The following CACNA2D3 variants were observed in gnomAD, a reference collection of about 807,000 sequenced individuals.
CACNA2D3 encodes the protein calcium voltage-gated channel auxiliary subunit alpha2delta 3.
In CACNA2D3, 60 loss-of-function variants were observed where a neutral mutation model predicts 160.6. The observed-to-expected ratio is 0.37, with a 90% confidence interval of 0.30 to 0.46. The LOEUF (loss-of-function observed/expected upper bound fraction) is 0.46, where lower values mean the gene tolerates loss of function less well. Among genes scored for constraint, CACNA2D3 ranks in the 20% least tolerant of loss-of-function variants. The pLI, the probability that CACNA2D3 is intolerant of heterozygous loss-of-function variation, is 1.00. For missense variants in CACNA2D3, 1,205 were observed against 1,365.0 expected (o/e 0.88, Z 1.85); for synonymous variants, 558 against 492.9 (o/e 1.13, Z -1.75).
intron 5 of CACNA2D3, among the ~76,000 whole-genome samples, chr3:54,512,865 A>G (rs1157153891): frequency 4.6e-5 from 7 of 152,226 alleles, no homozygotes; most frequent in Non-Finnish European, 1.0e-4. Context: ...TAATGGACTT[A>G]CAGTTCCACA....
intron 12 of CACNA2D3, among the ~76,000 whole-genome samples, chr3:54,758,615 A>T (rs1448032596): frequency 6.6e-6 from 1 of 152,170 alleles, no homozygotes; most frequent in Non-Finnish European, 1.5e-5. Context: ...GAGGAGGAAG[A>T]TGACACAGAA....
chr3:54,489,023 A>G (rs567881610), intron 4 of CACNA2D3, among the ~76,000 whole-genome samples: 8 of 152,170 alleles, frequency 5.3e-5, no homozygotes, highest in African/African-American at 7.2e-5. Flanking sequence ...GACCACATGC[A>G]TAGAGAATCA....
intron 2 of CACNA2D3, among the ~76,000 whole-genome samples, chr3:54,141,224 C>T (rs1333107741): frequency 6.6e-6 from 1 of 152,020 alleles, no homozygotes; most frequent in Non-Finnish European, 1.5e-5. Flanking sequence ...GAAAAAATTC[C>T]CTAAAAGCTC....
At chr3:54,191,279 G>A (rs1258772777) in intron 2 of CACNA2D3, among the ~76,000 whole-genome samples, 1 of 152,108 alleles carries the variant, frequency 6.6e-6, no homozygotes, top group Non-Finnish European at 1.5e-5. Context: ...GGACAAACAT[G>A]TAATCTTCAG....
intron 4 of CACNA2D3, among the ~76,000 whole-genome samples, chr3:54,500,489 C>T (rs1053690270): frequency 3.4e-5 from 5 of 148,904 alleles, no homozygotes; most frequent in East Asian, 2.0e-4. Flanking sequence ...TCCTTCCTAT[C>T]TTCCTTCCTT....
intron 27 of CACNA2D3, among the ~76,000 whole-genome samples, chr3:54,944,750 T>C (rs1436129538): frequency 1.3e-5 from 2 of 152,212 alleles, no homozygotes; most frequent in Non-Finnish European, 2.9e-5. Flanking sequence ...AGCAGCCTTT[T>C]CTTGTTTCAA....
chr3:54,994,716 CTAT>C (rs1387631294), intron 31 of CACNA2D3, among the ~76,000 whole-genome samples: 1 of 152,144 alleles, frequency 6.6e-6, no homozygotes, highest in Admixed American at 6.5e-5. Context: ...GAAGTAACTA[CTAT>C]TATTATTTCC....
chr3:54,831,866 GAA>G (rs1318842506), intron 14 of CACNA2D3, among the ~76,000 whole-genome samples: 1 of 152,112 alleles, frequency 6.6e-6, no homozygotes, highest in East Asian at 1.9e-4. Context: ...AGCTAAAAGA[GAA>G]AACTTATTGG....
chr3:54,702,982 A>C (rs1700793496), intron 11 of CACNA2D3, among the ~76,000 whole-genome samples: 1 of 152,178 alleles, frequency 6.6e-6, no homozygotes, highest in East Asian at 1.9e-4. Context: ...TAGGAACAGA[A>C]AACCAAATCC....
chr3:54,949,732 G>C (rs1701708162), intron 27 of CACNA2D3, among the ~76,000 whole-genome samples: 1 of 152,174 alleles, frequency 6.6e-6, no homozygotes, highest in Non-Finnish European at 1.5e-5. Flanking sequence ...TTTTGCAGGG[G>C]CACACTCCAC....
chr3:54,310,451 A>G (rs1703712288), intron 2 of CACNA2D3, among the ~76,000 whole-genome samples: 1 of 152,172 alleles, frequency 6.6e-6, no homozygotes, highest in African/African-American at 2.4e-5. Flanking sequence ...TTTTTATTGC[A>G]ACATCTTTAG....
intron 17 of CACNA2D3, among the ~76,000 whole-genome samples, chr3:54,850,475 A>G (rs1353616791): frequency 1.3e-5 from 2 of 152,224 alleles, no homozygotes; most frequent in East Asian, 1.9e-4. Context: ...CTTGCTTTTT[A>G]TAATTCCTTT....
chr3:54,802,493 G>T (rs530298170), intron 13 of CACNA2D3, among the ~76,000 whole-genome samples: 2 of 151,982 alleles, frequency 1.3e-5, no homozygotes, highest in African/African-American at 4.8e-5. Context: ...TTTTGAAGCT[G>T]AGCAAAGAGT....
At chr3:54,682,870 A>G (rs1230581879) in intron 11 of CACNA2D3, among the ~76,000 whole-genome samples, 2 of 152,146 alleles carry the variant, frequency 1.3e-5, no homozygotes, top group African/African-American at 4.8e-5. Flanking sequence ...CCCACCACCC[A>G]CTGCCTTCTC....
intron 2 of CACNA2D3, among the ~76,000 whole-genome samples, chr3:54,293,707 C>G (rs752360471): frequency 6.6e-6 from 1 of 152,100 alleles, no homozygotes; most frequent in Non-Finnish European, 1.5e-5. Context: ...ATCAAAGGGC[C>G]ACATTTATTT....
At chr3:54,834,963 A>G (rs943972409) in intron 14 of CACNA2D3, among the ~76,000 whole-genome samples, 1 of 152,216 alleles carries the variant, frequency 6.6e-6, no homozygotes, top group South Asian at 2.1e-4. Context: ...ACCCACCCAC[A>G]TTATGGAGAA....
intron 2 of CACNA2D3, among the ~76,000 whole-genome samples, chr3:54,137,046 A>G (rs1466256105): frequency 6.6e-6 from 1 of 152,156 alleles, no homozygotes; most frequent in Non-Finnish European, 1.5e-5. Context: ...GCCTGTGCAC[A>G]TCTTCCCTCT....
intron 11 of CACNA2D3, among the ~76,000 whole-genome samples, chr3:54,712,012 G>A (rs1466832648): frequency 1.3e-5 from 2 of 152,184 alleles, no homozygotes; most frequent in East Asian, 3.9e-4. Flanking sequence ...AGGAGGAGCT[G>A]CCATGGGGAG....
At chr3:54,588,927 T>C (rs953083740) in intron 9 of CACNA2D3, among the ~76,000 whole-genome samples, 55 of 151,410 alleles carry the variant, frequency 3.6e-4, no homozygotes, top group Admixed American at 8.6e-4. Flanking sequence ...TTAATATTAA[T>C]ATGTAGGTTT....
Sources: gnomAD v4.1 joint callset for allele counts (sites outside exome capture counted in the v4.1 genomes callset) on GRCh38, gnomAD v4.1.1 for gene constraint, MANE v1.5 for transcripts, NCBI Gene and HGNC (gene_info 2026-07-23, HGNC 2026-07-21) for gene names.